The following VPS13B variants were observed in gnomAD, a reference collection of about 807,000 sequenced individuals.
VPS13B encodes intermembrane lipid transfer protein VPS13B.
A neutral mutation model predicts 426.4 loss-of-function variants in VPS13B; 285 were observed. The observed-to-expected ratio is 0.67, with a 90% CI of 0.61 to 0.74. The LOEUF (loss-of-function observed/expected upper bound fraction) is 0.74. Ranked by LOEUF, VPS13B falls within the 30% of genes least tolerant of loss-of-function variation. The pLI is 0.00. For synonymous variants in VPS13B, 1,676 were observed against 1,676.4 expected, an observed-to-expected ratio of 1.00 and a Z score of 0.01; for missense variants, 4,537 against 4,782.6, an observed-to-expected ratio of 0.95 and a Z score of 1.51.
At chr8:99,587,401 G>A (rs1826361312) in intron 33 of VPS13B, among the ~76,000 whole-genome samples, 1 of 150,844 alleles carries the variant, frequency 6.6e-6, no homozygotes, top group Non-Finnish European at 1.5e-5. Flanking sequence ...TCGCCACACT[G>A]TCTTCCACAA....
chr8:99,016,210 T>A (rs1292892543), intron 2 of VPS13B, among the ~76,000 whole-genome samples: 1 of 152,234 alleles, frequency 6.6e-6, no homozygotes, highest in Non-Finnish European at 1.5e-5. Context: ...TACATCTATC[T>A]TGGTAACGTA....
rs112516908 is a variant in VPS13B at position 99,606,040 on chromosome 8, C to T, written c.5220+28407C>T. Reference sequence around the variant, plus strand: ...CCTCCTGAGCAGCTGGGACTACAGGCGCATGCCACCAAACCTGGCTAATTT... The same window carrying T: ...CCTCCTGAGCAGCTGGGACTACAGGTGCATGCCACCAAACCTGGCTAATTT... On this transcript the variant is annotated intron_variant, in intron 33 of 61. Transcript: ENST00000357162. Among the ~76,000 whole-genome samples, 220 of 152,104 alleles carry T rather than the reference C, an allele frequency of 1.4e-3. 1 individual carries two copies. The highest frequency in any genetic ancestry group is 5.1e-3 in the African/African-American group (211 of 41,500).
chr8:99,148,148 C>T, intron 14 of VPS13B, 138 bp downstream of exon 14: 1 of 914,274 alleles, frequency 1.1e-6, no homozygotes, highest in African/African-American at 1.7e-5. Context: ...GAGGCTGGGG[C>T]AGGATGCACA....
chr8:99,299,423 G>A (rs78293438), intron 19 of VPS13B, among the ~76,000 whole-genome samples: 3,104 of 152,176 alleles, frequency 0.02, 115 homozygotes, highest in African/African-American at 0.071. Context: ...CTTAAGTTTT[G>A]TAAGGCTTAA....
At chr8:99,084,997 C>G (rs1845694784) in intron 3 of VPS13B, among the ~76,000 whole-genome samples, 1 of 63,202 alleles carries the variant, frequency 1.6e-5, no homozygotes, top group African/African-American at 7.6e-5. Flanking sequence ...GAGTTCAATT[C>G]CTGGATATCC....
intron 24 of VPS13B, among the ~76,000 whole-genome samples, chr8:99,477,272 C>T (rs1236409800): frequency 6.6e-6 from 1 of 152,064 alleles, no homozygotes; most frequent in African/African-American, 2.4e-5. Context: ...CTAAAAATGT[C>T]TTTTACTGTT....
At position 99,614,747 on chromosome 8, in the gene VPS13B, C is replaced by T. The variant is rs185972718; in HGVS notation, c.5221-27064C>T. On this transcript the variant is annotated intron_variant, in intron 33 of 61. Coordinates refer to ENST00000357162, the MANE Select transcript of VPS13B (RefSeq NM_152564.5). ...GCTTTCATTATTTGGATTAAATAAACTTCTATTATTTTTTCTTATCCTGAA... is the reference window on the plus strand; with the variant it reads ...GCTTTCATTATTTGGATTAAATAAATTTCTATTATTTTTTCTTATCCTGAA... 6.7e-3 allele frequency among the ~76,000 whole-genome samples: 1,016 copies of T among 152,180 alleles called. 8 individuals carry two copies. Among genetic ancestry groups the T allele is most frequent in the African/African-American group, 0.021 (892 of 41,528 alleles).
chr8:99,432,455 T>G (rs1258282280), intron 22 of VPS13B, among the ~76,000 whole-genome samples: 1 of 152,112 alleles, frequency 6.6e-6, no homozygotes, highest in Admixed American at 6.6e-5. Flanking sequence ...ATCTGAGGTC[T>G]TAAATTGACA....
intron 34 of VPS13B, among the ~76,000 whole-genome samples, chr8:99,654,036 T>C (rs1829927007): frequency 6.6e-6 from 1 of 150,892 alleles, no homozygotes; most frequent in Non-Finnish European, 1.5e-5. Flanking sequence ...ATGATGATTA[T>C]TATTATTATT....
chr8:99,458,124 G>C (rs1024207349), intron 23 of VPS13B, among the ~76,000 whole-genome samples: 6 of 136,732 alleles, frequency 4.4e-5, no homozygotes, highest in African/African-American at 1.7e-4. Flanking sequence ...GTGTCCATGT[G>C]TTCTCATTGT....
chr8:99,376,863 A>G (rs1302609202), intron 19 of VPS13B, among the ~76,000 whole-genome samples: 1 of 152,052 alleles, frequency 6.6e-6, no homozygotes, highest in African/African-American at 2.4e-5. Context: ...CTGTACTTAG[A>G]TGCATAATCT....
At chr8:99,716,753 TGA>T (rs1832940006) in intron 36 of VPS13B, among the ~76,000 whole-genome samples, 1 of 152,170 alleles carries the variant, frequency 6.6e-6, no homozygotes, top group Non-Finnish European at 1.5e-5. Flanking sequence ...GTAAAAAACT[TGA>T]GTGTCTAGCA....
chr8:99,061,583 G>GATTA (rs10630442), intron 3 of VPS13B, among the ~76,000 whole-genome samples: 125,038 of 151,426 alleles, frequency 0.83, 52,125 homozygotes, highest in South Asian at 0.89. Flanking sequence ...CCTTCTTTGG[G>GATTA]ATTGAGTATA....
chr8:99,102,047 T>G (rs1457626078), intron 4 of VPS13B, among the ~76,000 whole-genome samples: 1 of 152,118 alleles, frequency 6.6e-6, no homozygotes, highest in East Asian at 1.9e-4. Context: ...TTTAACTAAA[T>G]TACTCAATAA....
At chr8:99,055,252 T>C (rs1272686742) in intron 3 of VPS13B, among the ~76,000 whole-genome samples, 1 of 152,152 alleles carries the variant, frequency 6.6e-6, no homozygotes, top group African/African-American at 2.4e-5. Flanking sequence ...TCGCCTAGGC[T>C]GATCTCGAAT....
chr8:99,061,171 C>T (rs761690051), intron 3 of VPS13B, among the ~76,000 whole-genome samples: 1 of 152,106 alleles, frequency 6.6e-6, no homozygotes, highest in Non-Finnish European at 1.5e-5. Context: ...ACACAGATTG[C>T]AGCTTCCATT....
chr8:99,741,594 T>C (rs1004936352), intron 39 of VPS13B, among the ~76,000 whole-genome samples: 5 of 152,084 alleles, frequency 3.3e-5, no homozygotes, highest in African/African-American at 1.2e-4. Flanking sequence ...CCTCAGCAAA[T>C]GGAAAAGAAC....
intron 3 of VPS13B, among the ~76,000 whole-genome samples, chr8:99,072,777 A>G (rs1844916266): frequency 6.6e-6 from 1 of 152,010 alleles, no homozygotes; most frequent in Admixed American, 6.6e-5. Flanking sequence ...TTTTTGTATG[A>G]GTTGGGAGAT....
chr8:99,830,586 G>A (rs1047251992), intron 51 of VPS13B, among the ~76,000 whole-genome samples: 5 of 152,152 alleles, frequency 3.3e-5, no homozygotes, highest in Admixed American at 1.3e-4. Context: ...CATGGCTTAA[G>A]CCCCCTTTCC....
Sources: allele counts gnomAD v4.1 joint callset (sites outside exome capture counted in the v4.1 genomes callset), GRCh38; gene constraint gnomAD v4.1.1; transcripts MANE v1.5; gene names NCBI Gene and HGNC (gene_info 2026-07-23, HGNC 2026-07-21).